SLC44A5: variants seen among roughly 807,000 people sequenced by gnomAD.
SLC44A5 encodes the protein choline transporter-like protein 5.
SLC44A5 carries 57 observed loss-of-function variants against 101.8 expected under a neutral mutation model. The ratio of observed to expected loss-of-function variants is 0.56; its 90% CI spans 0.45 to 0.70. SLC44A5 has a LOEUF of 0.70. Among genes scored for constraint, SLC44A5 ranks in the 30% least tolerant of loss-of-function variants. SLC44A5 has a pLI of 0.00. For missense variants in SLC44A5, 737 were observed against 853.1 expected (o/e 0.86, Z 1.70); for synonymous variants, 281 against 290.9 (o/e 0.97, Z 0.35).
chr1:75,677,303 A>C, the SLC44A5 span, among the ~76,000 whole-genome samples: 1 of 152,184 alleles, frequency 6.6e-6, no homozygotes, highest in South Asian at 2.1e-4. Flanking sequence ...CAAGACATAG[A>C]TAGTATAATA....
intron 1 of SLC44A5, among the ~76,000 whole-genome samples, chr1:75,601,864 C>T (rs1455684586): frequency 6.6e-6 from 1 of 152,040 alleles, no homozygotes; most frequent in Non-Finnish European, 1.5e-5. Flanking sequence ...AATGACAGTT[C>T]TCAAAATTCT....
At chr1:75,397,530 A>G (rs1662202402) in intron 2 of SLC44A5, among the ~76,000 whole-genome samples, 1 of 152,174 alleles carries the variant, frequency 6.6e-6, no homozygotes, top group Admixed American at 6.6e-5. Context: ...TTCCTTTGGG[A>G]AAAATAATAA....
chr1:75,359,790 C>T (rs536179171), intron 3 of SLC44A5, among the ~76,000 whole-genome samples: 22 of 152,230 alleles, frequency 1.4e-4, no homozygotes, highest in African/African-American at 4.8e-4. Context: ...TTCTCACCAA[C>T]GGTGCACAGG....
chr1:75,508,262 C>T (rs1026349219), intron 2 of SLC44A5, among the ~76,000 whole-genome samples: 1 of 151,950 alleles, frequency 6.6e-6, no homozygotes, highest in Non-Finnish European at 1.5e-5. Context: ...TTTGGGGAAA[C>T]AATAAAATTA....
intron 2 of SLC44A5, among the ~76,000 whole-genome samples, chr1:75,484,299 T>C (rs952274707): frequency 2.6e-5 from 4 of 152,226 alleles, no homozygotes; most frequent in Non-Finnish European, 5.9e-5. Context: ...GGTACAGGCA[T>C]TGGGTAAATG....
the SLC44A5 span, among the ~76,000 whole-genome samples, chr1:75,678,744 G>C: frequency 6.6e-6 from 1 of 151,868 alleles, no homozygotes; most frequent in African/African-American, 2.4e-5. Flanking sequence ...CACCAGCAAT[G>C]GAACAAAGCT....
chr1:75,354,961 A>G (rs1279119426), intron 3 of SLC44A5, among the ~76,000 whole-genome samples: 4 of 152,188 alleles, frequency 2.6e-5, no homozygotes, highest in African/African-American at 9.6e-5. Flanking sequence ...GGTCAACATT[A>G]AAATTGAGAA....
chr1:75,684,852 C>T, the SLC44A5 span, among the ~76,000 whole-genome samples: 2 of 152,160 alleles, frequency 1.3e-5, no homozygotes, highest in Non-Finnish European at 2.9e-5. Context: ...CTTCTCATAG[C>T]TCCATCATTA....
intron 1 of SLC44A5, among the ~76,000 whole-genome samples, chr1:75,584,576 G>GC (rs1673888111): frequency 6.6e-6 from 1 of 151,934 alleles, no homozygotes; most frequent in Non-Finnish European, 1.5e-5. Context: ...GTTTTGTGGG[G>GC]GTTTTTTTGG....
intron 2 of SLC44A5, among the ~76,000 whole-genome samples, chr1:75,454,305 G>A (rs1666067607): frequency 2.0e-5 from 3 of 151,884 alleles, no homozygotes; most frequent in African/African-American, 7.3e-5. Flanking sequence ...AATAACATAT[G>A]GTCATCTCAA....
the SLC44A5 span, among the ~76,000 whole-genome samples, chr1:75,633,296 T>C: frequency 6.6e-6 from 1 of 152,188 alleles, no homozygotes; most frequent in South Asian, 2.1e-4. Context: ...ATTGCATCTA[T>C]AAATTACCTT....
At chr1:75,497,902 T>G (rs1668759577) in intron 2 of SLC44A5, among the ~76,000 whole-genome samples, 1 of 152,168 alleles carries the variant, frequency 6.6e-6, no homozygotes, top group African/African-American at 2.4e-5. Flanking sequence ...TTTTGAGTAC[T>G]GCTGGATTTA....
At chr1:75,424,155 GTATAA>G (rs1382040391) in intron 2 of SLC44A5, among the ~76,000 whole-genome samples, 2 of 152,180 alleles carry the variant, frequency 1.3e-5, no homozygotes, top group Non-Finnish European at 1.5e-5. Context: ...AAAGAGGACT[GTATAA>G]TATAATTGTA....
intron 2 of SLC44A5, among the ~76,000 whole-genome samples, chr1:75,437,858 C>T (rs1454940374): frequency 6.6e-6 from 1 of 152,128 alleles, no homozygotes; most frequent in African/African-American, 2.4e-5. Flanking sequence ...GCATCAGCTT[C>T]CCTGTTGAAA....
At chr1:75,358,412 A>G (rs1472861833) in intron 3 of SLC44A5, among the ~76,000 whole-genome samples, 1 of 152,140 alleles carries the variant, frequency 6.6e-6, no homozygotes, top group Non-Finnish European at 1.5e-5. Flanking sequence ...TTTGCATTGC[A>G]TTATTTTTTA....
chr1:75,632,982 C>A, the SLC44A5 span, among the ~76,000 whole-genome samples: 3 of 152,220 alleles, frequency 2.0e-5, no homozygotes, highest in Admixed American at 6.5e-5. Flanking sequence ...AACTTTTATA[C>A]CAATGACAAA....
At chr1:75,570,450 C>T (rs1673015121) in intron 1 of SLC44A5, among the ~76,000 whole-genome samples, 1 of 152,084 alleles carries the variant, frequency 6.6e-6, no homozygotes, top group Non-Finnish European at 1.5e-5. Flanking sequence ...AGGGTTCAAT[C>T]TATTTTATGG....
At chr1:75,440,462 CA>C (rs1255691640) in intron 2 of SLC44A5, among the ~76,000 whole-genome samples, 24 of 152,124 alleles carry the variant, frequency 1.6e-4, no homozygotes, top group Admixed American at 1.4e-3. Flanking sequence ...ACAGTGAGAG[CA>C]GCAGGAAACA....
intron 2 of SLC44A5, among the ~76,000 whole-genome samples, chr1:75,429,613 A>T (rs996525347): frequency 2.0e-5 from 3 of 152,218 alleles, no homozygotes; most frequent in African/African-American, 7.2e-5. Flanking sequence ...CAGGCTGTAT[A>T]AGAAGCATGG....
Sources: gnomAD v4.1 joint callset for allele counts (sites outside exome capture counted in the v4.1 genomes callset) on GRCh38, gnomAD v4.1.1 for gene constraint, MANE v1.5 for transcripts, NCBI Gene and HGNC (gene_info 2026-07-23, HGNC 2026-07-21) for gene names.